The following ZSWIM2 variants were observed in gnomAD, a reference collection of about 807,000 sequenced individuals.
The protein encoded by ZSWIM2 is E3 ubiquitin-protein ligase ZSWIM2.
Under a neutral mutation model 48.4 loss-of-function variants are expected in ZSWIM2, and 38 were observed. The observed-to-expected ratio is 0.79, with a 90% CI of 0.61 to 1.03. The LOEUF is 1.03. Ranked by LOEUF, ZSWIM2 falls within the 50% of genes least tolerant of loss-of-function variation. ZSWIM2 has a pLI of 0.00. For missense variants in ZSWIM2, 776 were observed against 730.2 expected, an observed-to-expected ratio of 1.06 and a Z score of -0.72; for synonymous variants, 240 against 251.3, an observed-to-expected ratio of 0.96 and a Z score of 0.42.
At chr2:186,828,845 T>G (rs1230214773) in intron 8 of ZSWIM2, 55 bp from the exon 9 acceptor site, 4 of 1,057,236 alleles carry the variant, frequency 3.8e-6, no homozygotes, top group Non-Finnish European at 5.0e-6. Context: ...TATAATATTA[T>G]TCAAGTAAAT....
chr2:186,844,813 A>T, intron 2 of ZSWIM2, 56 bp from the exon 3 acceptor site: 1 of 1,380,380 alleles, frequency 7.2e-7, no homozygotes. Flanking sequence ...ATAAACTCAA[A>T]AGACATTTAA....
Position 186,837,227 on chromosome 2 carries a change from G to A in ZSWIM2, c.743+79C>T, listed in dbSNP as rs770026317. ...TGCAGGAAGAGGGAGGCTACAGAACGGGTACTCTAATGCTCAAAGTTTCCT... is the reference window on the plus strand; with the variant it reads ...TGCAGGAAGAGGGAGGCTACAGAACAGGTACTCTAATGCTCAAAGTTTCCT... On this transcript the variant is annotated intron_variant, in intron 5 of 8. Transcript: ENST00000295131. 474 of 1,480,756 alleles carry A rather than the reference G, an allele frequency of 3.2e-4. 2 individuals are homozygous for A. Among genetic ancestry groups the A allele is most frequent in the Non-Finnish European group, 4.2e-4 (458 of 1,079,342 alleles). The allele number at this position is 1,480,756 out of a possible 1,614,324, so 91.7% of individuals were successfully genotyped here.
rs888735778 is a variant in ZSWIM2, at chr2:186,847,787, T to C, written c.174A>G (p.Leu58=). ...AACAGTTACAAACGTGAGGATTTCC[T>C]AGAAAAACCTTTAAAGGAAAAATGC... is the stretch of plus-strand genomic sequence containing the variant. ...EPEYMDFRVF[L]GNPHVCNCST... The change falls in exon 2 of 9, where the codon CTA becomes CTG. Residue 58 remains leucine (L), a synonymous_variant. Coordinates refer to ENST00000295131, the MANE Select transcript of ZSWIM2 (RefSeq NM_182521.3). 1.9e-6 allele frequency: 3 copies of C among 1,604,436 alleles called. No individual in the cohort carries two copies. The highest frequency in any genetic ancestry group is 2.6e-6 in the Non-Finnish European group (3 of 1,175,244).
intron 2 of ZSWIM2, among the ~76,000 whole-genome samples, chr2:186,846,804 C>T (rs1286206585): frequency 2.5e-5 from 1 of 39,778 alleles, no homozygotes; most frequent in African/African-American, 1.3e-4. Context: ...TATACACACA[C>T]ACACACATAT....
intron 2 of ZSWIM2, among the ~76,000 whole-genome samples, chr2:186,847,081 AC>A (rs149371225): frequency 0.14 from 20,498 of 151,600 alleles, 2,042 homozygotes; most frequent in African/African-American, 0.29. Context: ...TACAATGTTC[AC>A]TATTGGGGTG....
rs1553517375 is a variant in ZSWIM2, at chr2:186,837,612, G to GTATATATATATATATAT, written c.495-75_495-59dup. The GTATATATATATATATAT allele has an allele frequency of 9.1e-4, 444 of 488,056 alleles. 4 individuals are homozygous for GTATATATATATATATAT. The highest frequency in any genetic ancestry group is 9.1e-3 in the African/African-American group (428 of 47,172). The allele number at this position is 488,056 out of a possible 1,614,324, so 30.2% of individuals were successfully genotyped here. A position where few individuals can be genotyped will look rare whatever the true frequency, so the allele number is the denominator to read the frequency against. ...TATAGAGCAGTTTTACATATCCATTGTATATATATATATATATTATATATA... is the reference window on the plus strand; with the variant it reads ...TATAGAGCAGTTTTACATATCCATTGTATATATATATATATATTATATATATATATATATTATATATA... On this transcript the variant is annotated intron_variant, in intron 4 of 8. Transcript: ENST00000295131.
intron 7 of ZSWIM2, 84 bp from the exon 8 acceptor site, chr2:186,829,964 A>C (rs1473977540): frequency 4.4e-6 from 6 of 1,378,982 alleles, no homozygotes; most frequent in Non-Finnish European, 6.0e-6. Context: ...AATAGTCTCT[A>C]TATAAATAAT....
At chr2:186,832,621 T>G (rs1309434027) in intron 7 of ZSWIM2, among the ~76,000 whole-genome samples, 1 of 152,152 alleles carries the variant, frequency 6.6e-6, no homozygotes, top group Non-Finnish European at 1.5e-5. Context: ...AAATGCAAAT[T>G]TCAAATATCT....
chr2:186,830,641 G>A (rs1054595960), intron 7 of ZSWIM2, among the ~76,000 whole-genome samples: 6 of 148,110 alleles, frequency 4.1e-5, no homozygotes, highest in African/African-American at 1.5e-4. Flanking sequence ...TAAGAGATAA[G>A]GAAATTTGTT....
Position 186,837,587 on chromosome 2 carries a change from T to C in ZSWIM2, c.495-33A>G, listed in dbSNP as rs370625105. On this transcript the variant is annotated intron_variant, in intron 4 of 8. Transcript: ENST00000295131. ...AGATAAAATTGAAGTTTACCATTTG[T>C]ATAGAGCAGTTTTACATATCCATTG... The C allele has an allele frequency of 2.2e-5, 34 of 1,554,002 alleles. No individual in the cohort carries two copies. In the East Asian group the frequency reaches 2.3e-4, roughly 11 times the overall value.
intron 3 of ZSWIM2, among the ~76,000 whole-genome samples, chr2:186,841,059 ATAAACAC>A (rs1691894486): frequency 1.3e-5 from 2 of 151,544 alleles, no homozygotes; most frequent in Non-Finnish European, 3.0e-5. Flanking sequence ...AACTGACTGA[ATAAACAC>A]TAATAAACGT....
chr2:186,829,618 C>T (rs1691662324), intron 8 of ZSWIM2, 109 bp downstream of exon 8: 3 of 1,122,572 alleles, frequency 2.7e-6, no homozygotes, highest in South Asian at 3.1e-5. Context: ...AATGTGAACA[C>T]CTCTGTACAG....
chr2:186,834,619 T>C (rs1375673365), intron 5 of ZSWIM2, among the ~76,000 whole-genome samples: 1 of 152,104 alleles, frequency 6.6e-6, no homozygotes, highest in Admixed American at 6.6e-5. Context: ...ATAACCCCCA[T>C]GGAAAAATTG....
intron 6 of ZSWIM2, 119 bp from the exon 7 acceptor site, chr2:186,833,351 T>C: frequency 2.0e-6 from 1 of 496,316 alleles, no homozygotes; most frequent in African/African-American, 2.1e-5. Context: ...TAAGCATATA[T>C]ATTATTTTTC....
At chr2:186,846,826 T>A (rs539177678) in intron 2 of ZSWIM2, among the ~76,000 whole-genome samples, 1 of 137,826 alleles carries the variant, frequency 7.3e-6, no homozygotes, top group South Asian at 2.4e-4. Context: ...TATATATATA[T>A]AATGTAATAG....
At chr2:186,839,301 C>A in intron 3 of ZSWIM2, 132 bp from the exon 4 acceptor site, 1 of 656,200 alleles carries the variant, frequency 1.5e-6, no homozygotes, top group Non-Finnish European at 2.4e-6. Flanking sequence ...ATCACACTGA[C>A]ATTGACCCCT....
intron 7 of ZSWIM2, among the ~76,000 whole-genome samples, chr2:186,832,238 C>A (rs13404635): frequency 0.012 from 1,889 of 152,000 alleles, 37 homozygotes; most frequent in African/African-American, 0.043. Context: ...CCTCAGCCTC[C>A]CGAGTAGCTG....
intron 5 of ZSWIM2, among the ~76,000 whole-genome samples, chr2:186,835,617 C>T (rs774316300): frequency 3.9e-5 from 6 of 151,952 alleles, no homozygotes; most frequent in Non-Finnish European, 7.4e-5. Context: ...CTAGTAATTT[C>T]GGAATTAACC....
At chr2:186,842,026 T>A (rs1404653849) in intron 3 of ZSWIM2, among the ~76,000 whole-genome samples, 4 of 151,238 alleles carry the variant, frequency 2.6e-5, no homozygotes, top group Non-Finnish European at 5.9e-5. Flanking sequence ...TTAACATTTT[T>A]CATAATAATA....
Sources: allele counts gnomAD v4.1 joint callset (sites outside exome capture counted in the v4.1 genomes callset), GRCh38; gene constraint gnomAD v4.1.1; transcripts MANE v1.5; gene names NCBI Gene and HGNC (gene_info 2026-07-23, HGNC 2026-07-21).